Variants in CHN1 observed in about 807,000 individuals in gnomAD.
The protein encoded by CHN1 is chimerin 1.
CHN1 carries 37 observed loss-of-function variants against 59.5 expected under a neutral mutation model. The observed-to-expected ratio is 0.62, with a 90% CI of 0.48 to 0.82. The LOEUF (loss-of-function observed/expected upper bound fraction) is 0.82, where lower values mean the gene tolerates loss of function less well. CHN1 is among the 40% of genes least tolerant of loss of function. CHN1 has a pLI of 0.00. For synonymous variants in CHN1, 206 were observed against 200.4 expected, an observed-to-expected ratio of 1.03 and a Z score of -0.24; for missense variants, 469 against 571.0, an observed-to-expected ratio of 0.82 and a Z score of 1.82.
intron 6 of CHN1, among the ~76,000 whole-genome samples, chr2:174,852,900 T>C (rs1686782167): frequency 6.6e-6 from 1 of 152,180 alleles, no homozygotes; most frequent in Non-Finnish European, 1.5e-5. Context: ...TGGCTAGTCA[T>C]ATGCAGAAGA....
intron 7 of CHN1, among the ~76,000 whole-genome samples, chr2:174,840,864 T>C (rs543545914): frequency 6.6e-6 from 1 of 152,248 alleles, no homozygotes; most frequent in South Asian, 2.1e-4. Flanking sequence ...AGACAAAACA[T>C]GTCTTCCTCA....
At chr2:174,902,726 C>T (rs927819693) in intron 5 of CHN1, among the ~76,000 whole-genome samples, 11 of 152,296 alleles carry the variant, frequency 7.2e-5, no homozygotes, top group Admixed American at 3.3e-4. Flanking sequence ...TACACGTCAA[C>T]GCCTACTAGC....
chr2:174,857,779 T>C (rs1335634221), intron 6 of CHN1, among the ~76,000 whole-genome samples: 1 of 152,116 alleles, frequency 6.6e-6, no homozygotes, highest in Non-Finnish European at 1.5e-5. Flanking sequence ...ACCTATTACC[T>C]GCAAGACTTA....
chr2:174,802,688 AAG>A (rs1684765224), intron 11 of CHN1, among the ~76,000 whole-genome samples: 1 of 152,242 alleles, frequency 6.6e-6, no homozygotes, highest in African/African-American at 2.4e-5. Flanking sequence ...GATCTCAAAA[AAG>A]AGCACCACAG....
intron 7 of CHN1, among the ~76,000 whole-genome samples, chr2:174,842,560 G>T (rs1686350146): frequency 6.6e-6 from 1 of 152,072 alleles, no homozygotes; most frequent in South Asian, 2.1e-4. Context: ...ATTATTATTT[G>T]TTCATTCATT....
At chr2:174,908,075 C>G (rs916403037) in intron 5 of CHN1, among the ~76,000 whole-genome samples, 1 of 152,112 alleles carries the variant, frequency 6.6e-6, no homozygotes, top group Non-Finnish European at 1.5e-5. Context: ...CAAATATGCC[C>G]TGAAATATCC....
chr2:174,950,597 C>T (rs1008458455), intron 2 of CHN1, among the ~76,000 whole-genome samples: 2 of 151,880 alleles, frequency 1.3e-5, no homozygotes, highest in Non-Finnish European at 2.9e-5. Context: ...ATATGTGAAG[C>T]TACAAAAAAT....
chr2:174,898,679 C>A (rs1688292214), intron 5 of CHN1, among the ~76,000 whole-genome samples: 1 of 152,088 alleles, frequency 6.6e-6, no homozygotes, highest in African/African-American at 2.4e-5. Context: ...TTCCCTACTG[C>A]AAAGATAGAA....
chr2:174,971,906 G>A (rs1451492884), intron 1 of CHN1, among the ~76,000 whole-genome samples: 2 of 152,194 alleles, frequency 1.3e-5, no homozygotes, highest in Non-Finnish European at 2.9e-5. Flanking sequence ...ATGAATTGGG[G>A]ATTGAAGGGA....
rs1684990415 is a variant in CHN1 at position 174,808,936 on chromosome 2, A to G, written c.1071T>C (p.Tyr357=). Residue 357 remains tyrosine (Y), a synonymous_variant, in exon 11 of 13, where the codon TAT becomes TAC. Coordinates refer to ENST00000409900, the MANE Select transcript of CHN1 (RefSeq NM_001822.7). ...FRDLPIPLIT[Y]DAYPKFIESA... ...ATTCTATAAACTTAGGGTAGGCATCATATGTAATGAGTGGAATTGGCAAAT... is the reference window on the plus strand; with the variant it reads ...ATTCTATAAACTTAGGGTAGGCATCGTATGTAATGAGTGGAATTGGCAAAT... The G allele has an allele frequency of 2.5e-6, 4 of 1,613,804 alleles. No individual in the cohort carries two copies. The highest frequency in any genetic ancestry group is 3.4e-6 in the Non-Finnish European group (4 of 1,179,780).
intron 5 of CHN1, among the ~76,000 whole-genome samples, chr2:174,891,961 T>A (rs78900651): frequency 2.0e-5 from 3 of 152,172 alleles, no homozygotes; most frequent in African/African-American, 7.2e-5. Context: ...TAAAAGAAAT[T>A]ACTATGAATA....
At chr2:174,943,059 AT>A (rs1689714310) in intron 3 of CHN1, among the ~76,000 whole-genome samples, 1 of 152,100 alleles carries the variant, frequency 6.6e-6, no homozygotes, top group South Asian at 2.1e-4. Context: ...AAAAAAAAAA[AT>A]AAAAAGTTAA....
intron 7 of CHN1, among the ~76,000 whole-genome samples, chr2:174,838,389 A>G (rs1395336081): frequency 1.3e-5 from 2 of 151,990 alleles, no homozygotes; most frequent in Non-Finnish European, 2.9e-5. Context: ...CACTGCGCCC[A>G]GCCAAACCTC....
At chr2:174,885,849 A>C (rs960613541) in intron 5 of CHN1, among the ~76,000 whole-genome samples, 2 of 152,212 alleles carry the variant, frequency 1.3e-5, no homozygotes, top group African/African-American at 4.8e-5. Flanking sequence ...CCACAGGACC[A>C]ATACTAAATA....
chr2:174,900,266 G>T lies in CHN1; in HGVS notation c.260+14792C>A, dbSNP rs186669573. On this transcript the variant is annotated intron_variant, in intron 5 of 12. Coordinates refer to ENST00000409900, the MANE Select transcript of CHN1 (RefSeq NM_001822.7). ...AGCACTCTGGGACCCGGAGAAGGGA[G>T]GATTGCTTCTCGGGCCAGGAGTTCA... Among the ~76,000 whole-genome samples the T allele has an allele frequency of 3.8e-3, 578 of 152,262 alleles. 5 individuals carry two copies. The highest frequency in any genetic ancestry group is 0.013 in the African/African-American group (542 of 41,548).
At chr2:174,986,893 C>T (rs1198152405) in intron 1 of CHN1, among the ~76,000 whole-genome samples, 4 of 152,048 alleles carry the variant, frequency 2.6e-5, no homozygotes, top group African/African-American at 9.7e-5. Flanking sequence ...CCCACCACCA[C>T]GCCCAGCTAA....
At chr2:174,846,830 T>C (rs1240021905) in intron 7 of CHN1, 50 bp downstream of exon 7, 1 of 1,421,730 alleles carries the variant, frequency 7.0e-7, no homozygotes, top group Admixed American at 2.3e-5. Context: ...TAATATTATA[T>C]ATTTCAAGTA....
chr2:174,808,002 G>A (rs1236338037), intron 11 of CHN1, among the ~76,000 whole-genome samples: 2 of 152,178 alleles, frequency 1.3e-5, no homozygotes, highest in Non-Finnish European at 2.9e-5. Flanking sequence ...TTTAAAAAAT[G>A]AAGTGTGAAT....
chr2:174,940,931 A>G (rs1574191457), intron 3 of CHN1, among the ~76,000 whole-genome samples: 1 of 152,238 alleles, frequency 6.6e-6, no homozygotes, highest in East Asian at 1.9e-4. Flanking sequence ...GTGATTTTGT[A>G]ATTTTATATT....
Sources: gnomAD v4.1 joint callset for allele counts (sites outside exome capture counted in the v4.1 genomes callset) on GRCh38, gnomAD v4.1.1 for gene constraint, MANE v1.5 for transcripts, NCBI Gene and HGNC (gene_info 2026-07-23, HGNC 2026-07-21) for gene names.